The following PCDHA10 variants were observed in gnomAD, a reference collection of about 807,000 sequenced individuals.
PCDHA10 encodes the protein protocadherin alpha-10.
In PCDHA10, 45 loss-of-function variants were observed where a neutral mutation model predicts 61.2. The ratio of observed to expected loss-of-function variants is 0.74; its 90% CI spans 0.58 to 0.94. The LOEUF is 0.94. Among genes scored for constraint, PCDHA10 ranks in the 40% least tolerant of loss-of-function variants. The pLI is 0.00. For missense variants in PCDHA10, 1,278 were observed against 1,236.2 expected, an observed-to-expected ratio of 1.03 and a Z score of -0.51; for synonymous variants, 602 against 548.8, an observed-to-expected ratio of 1.10 and a Z score of -1.35.
chr5:140,929,166 C>A (rs782695019), intron 1 of PCDHA10: 1 of 1,614,146 alleles, frequency 6.2e-7, no homozygotes, highest in Admixed American at 1.7e-5. Context: ...TCTATCGGGC[C>A]TCTCTGGGAC....
At chr5:140,882,058 C>G (rs1190027185) in intron 1 of PCDHA10, 4 of 794,854 alleles carry the variant, frequency 5.0e-6, no homozygotes, top group Non-Finnish European at 7.7e-6. Flanking sequence ...CTTACACTTA[C>G]ACGTTCATGC....
intron 1 of PCDHA10, chr5:140,875,308 A>G (rs757619394): frequency 2.7e-5 from 39 of 1,423,476 alleles, no homozygotes; most frequent in Non-Finnish European, 3.4e-5. Flanking sequence ...CTCCGCACCC[A>G]CATTCCAATC....
intron 1 of PCDHA10, chr5:140,877,288 T>C (rs782747810): frequency 1.9e-6 from 3 of 1,613,908 alleles, no homozygotes; most frequent in Non-Finnish European, 2.5e-6. Context: ...CTATAACGCT[T>C]GGCTGTCCTA....
chr5:140,941,214 C>CTTTCTTTCTTTCTTT (rs1554214039), intron 1 of PCDHA10, among the ~76,000 whole-genome samples: 5,375 of 122,186 alleles, frequency 0.044, 196 homozygotes, highest in South Asian at 0.066. Flanking sequence ...TTTCTTTCTT[C>CTTTCTTTCTTTCTTT]CTTTCTTTCT....
chr5:141,002,195 A>G (rs2098065094), intron 3 of PCDHA10, among the ~76,000 whole-genome samples: 1 of 152,244 alleles, frequency 6.6e-6, no homozygotes, highest in South Asian at 2.1e-4. Flanking sequence ...CTGGCAAGAT[A>G]GTCCCCGGCT....
chr5:140,938,026 A>T (rs2091889452), intron 1 of PCDHA10, among the ~76,000 whole-genome samples: 1 of 152,144 alleles, frequency 6.6e-6, no homozygotes, highest in Non-Finnish European at 1.5e-5. Context: ...GTAAAATCTC[A>T]TATTTTTATA....
At chr5:140,931,405 G>A (rs1395168165) in intron 1 of PCDHA10, among the ~76,000 whole-genome samples, 1 of 151,984 alleles carries the variant, frequency 6.6e-6, no homozygotes, top group South Asian at 2.1e-4. Flanking sequence ...CGATAGGAAG[G>A]CTGATGAATC....
At chr5:140,873,791 G>A (rs1330097708) in intron 1 of PCDHA10, among the ~76,000 whole-genome samples, 1 of 152,152 alleles carries the variant, frequency 6.6e-6, no homozygotes, top group Non-Finnish European at 1.5e-5. Flanking sequence ...TTTCCGAGAA[G>A]CTGGGACTAC....
intron 1 of PCDHA10, among the ~76,000 whole-genome samples, chr5:140,905,368 T>C (rs536118800): frequency 6.6e-6 from 1 of 152,218 alleles, no homozygotes; most frequent in African/African-American, 2.4e-5. Flanking sequence ...TATTTCTGGT[T>C]CTCTGTTCTG....
At chr5:140,882,141 A>G in intron 1 of PCDHA10, 3 of 1,491,636 alleles carry the variant, frequency 2.0e-6, no homozygotes, top group South Asian at 1.4e-5. Flanking sequence ...CAGAAAATAT[A>G]GCAGAAAGCG....
intron 1 of PCDHA10, among the ~76,000 whole-genome samples, chr5:140,903,758 T>TCCACCAAAGCCCAGTAATAGGCCAAGA (rs2070567163): frequency 6.6e-6 from 1 of 152,218 alleles, no homozygotes; most frequent in Non-Finnish European, 1.5e-5. Flanking sequence ...CCTTGATTTT[T>TCCACCAAAGCCCAGTAATAGGCCAAGA]GCTGAACTTT....
At chr5:140,999,795 T>C (rs1222111677) in intron 3 of PCDHA10, among the ~76,000 whole-genome samples, 3 of 152,224 alleles carry the variant, frequency 2.0e-5, no homozygotes, top group Non-Finnish European at 4.4e-5. Context: ...GGCAGAGTTA[T>C]TTTGGGCACA....
At chr5:141,000,595 T>G (rs1438785385) in intron 3 of PCDHA10, among the ~76,000 whole-genome samples, 1 of 150,924 alleles carries the variant, frequency 6.6e-6, no homozygotes, top group African/African-American at 2.4e-5. Context: ...GCCCAGCTAA[T>G]TTTTGTATTT....
In PCDHA10 at chr5:140,857,508, C is replaced by A; in HGVS notation, c.1460C>A (p.Ala487Asp). The change falls in exon 1 of 4, where the codon GCC (alanine) becomes GAC (aspartate). Residue 487 changes from alanine to aspartate, a missense_variant. Physicochemically the swap from Ala to Asp is moderately radical, Grantham distance 126. Transcript: ENST00000307360. ...TGGGACGCGGACGCGCAGGAGAACGCCCTGGTGTCCTACTCTCTGGTGGAG... is the reference window on the plus strand; with the variant it reads ...TGGGACGCGGACGCGCAGGAGAACGACCTGGTGTCCTACTCTCTGGTGGAG... ...SAWDADAQENALVSYSLVERR... is the reference protein window; with the variant it reads ...SAWDADAQENDLVSYSLVERR... 1 of 1,598,226 alleles carries A rather than the reference C, an allele frequency of 6.3e-7. No homozygotes were observed. The highest frequency in any genetic ancestry group is 1.3e-5 in the African/African-American group (1 of 74,552).
chr5:140,996,283 C>T (rs2097719869), intron 3 of PCDHA10, among the ~76,000 whole-genome samples: 1 of 152,172 alleles, frequency 6.6e-6, no homozygotes, highest in African/African-American at 2.4e-5. Context: ...TGCCAAATTT[C>T]AAGAAGCACA....
At chr5:140,869,531 C>A (rs782191099) in intron 1 of PCDHA10, 11 of 1,614,032 alleles carry the variant, frequency 6.8e-6, no homozygotes, top group African/African-American at 2.7e-5. Flanking sequence ...CTGCTGATTG[C>A]GGAATCTAAG....
chr5:140,978,794 T>A, intron 1 of PCDHA10, 155 bp from the exon 2 acceptor site: 1 of 978,746 alleles, frequency 1.0e-6, no homozygotes, highest in Non-Finnish European at 1.2e-6. Flanking sequence ...GTGCTATATA[T>A]GTAGATATCA....
At chr5:140,953,254 C>A (rs1483553184) in intron 1 of PCDHA10, among the ~76,000 whole-genome samples, 3 of 152,098 alleles carry the variant, frequency 2.0e-5, no homozygotes, top group Non-Finnish European at 2.9e-5. Flanking sequence ...CAGTTTAGTT[C>A]TTTTAGCTTT....
At chr5:140,916,279 C>T (rs2077510203) in intron 1 of PCDHA10, among the ~76,000 whole-genome samples, 1 of 152,228 alleles carries the variant, frequency 6.6e-6, no homozygotes, top group Admixed American at 6.5e-5. Context: ...TGTTGCTCTA[C>T]TCCACGTGGC....
Sources: gnomAD v4.1 joint callset for allele counts (sites outside exome capture counted in the v4.1 genomes callset) on GRCh38, gnomAD v4.1.1 for gene constraint, MANE v1.5 for transcripts, NCBI Gene and HGNC (gene_info 2026-07-23, HGNC 2026-07-21) for gene names.